Variants in ASMTL observed in about 807,000 individuals in gnomAD.
ASMTL encodes the protein acetylserotonin O-methyltransferase like.
In ASMTL, 57 loss-of-function variants were observed where a neutral mutation model predicts 60.3. The ratio of observed to expected loss-of-function variants is 0.95; its 90% CI spans 0.76 to 1.18. The LOEUF (loss-of-function observed/expected upper bound fraction) is 1.18. Ranked by LOEUF, ASMTL falls within the 50% of genes most tolerant of loss-of-function variation. The pLI is 0.00. For missense variants in ASMTL, 981 were observed against 852.6 expected, an observed-to-expected ratio of 1.15 and a Z score of -1.88; for synonymous variants, 419 against 373.0, an observed-to-expected ratio of 1.12 and a Z score of -1.42.
chrX:1,434,849 T>C (rs1383443401), intron 5 of ASMTL, 173 bp downstream of exon 5: 1 of 169,236 alleles, frequency 5.9e-6, no homozygotes, highest in Non-Finnish European at 1.2e-5. Flanking sequence ...CGTTTTCCTT[T>C]GTCCTGCAGA....
chrX:1,442,203 C>T lies in ASMTL; in HGVS notation c.208G>A (p.Ala70Thr). ...ETAKQKALEVANRLYQKDLRA... is the reference protein window; with the variant it reads ...ETAKQKALEVTNRLYQKDLRA... Reference sequence around the variant, plus strand: ...CCCCTTGCCTGGTACAGCCGGTTGGCCACCTCCAGGGCCTTCTGCTTGGCG... The same window carrying T: ...CCCCTTGCCTGGTACAGCCGGTTGGTCACCTCCAGGGCCTTCTGCTTGGCG... Residue 70 changes from alanine to threonine, a missense_variant, in exon 2 of 13, where the codon GCC becomes ACC. Ala to Thr is a moderately conservative substitution (Grantham distance 58, BLOSUM62 0). Transcript: ENST00000381317. 1 of 1,613,688 alleles carries T rather than the reference C, an allele frequency of 6.2e-7. No homozygotes were observed. Among genetic ancestry groups the T allele is most frequent in the Non-Finnish European group, 8.5e-7 (1 of 1,179,832 alleles).
chrX:1,435,166 C>A (rs1368610155), intron 4 of ASMTL, 83 bp from the exon 5 acceptor site: 1 of 1,414,752 alleles, frequency 7.1e-7, no homozygotes, highest in Non-Finnish European at 1.0e-6. Context: ...CCAGGGGAGG[C>A]AGCGAGGCGT....
At chrX:1,418,552 G>C (rs1248655277) in intron 10 of ASMTL, among the ~76,000 whole-genome samples, 1 of 152,104 alleles carries the variant, frequency 6.6e-6, no homozygotes, top group African/African-American at 2.4e-5. Flanking sequence ...GGACCACAAG[G>C]AGGAGAGGCA....
chrX:1,437,105 C>T (rs1473064971), intron 3 of ASMTL, among the ~76,000 whole-genome samples: 1 of 150,720 alleles, frequency 6.6e-6, no homozygotes, highest in African/African-American at 2.4e-5. Context: ...AGGCTGCTGT[C>T]ACAGAATACC....
intron 12 of ASMTL, among the ~76,000 whole-genome samples, chrX:1,412,119 A>G (rs1314882566): frequency 3.3e-5 from 5 of 150,848 alleles, no homozygotes; most frequent in South Asian, 2.1e-4. Flanking sequence ...ACCTGGCCAC[A>G]CTGGCCAACT....
chrX:1,416,765 GCACA>G (rs377165881), intron 11 of ASMTL, among the ~76,000 whole-genome samples: 5 of 85,568 alleles, frequency 5.8e-5, no homozygotes, highest in African/African-American at 1.6e-4. Flanking sequence ...ACAGACACAT[GCACA>G]CACAGACGTA....
chrX:1,416,440 CAT>C (rs747555424), intron 11 of ASMTL, among the ~76,000 whole-genome samples: 2,655 of 99,772 alleles, frequency 0.027, 143 homozygotes, highest in African/African-American at 0.093. Flanking sequence ...CGCACATAAA[CAT>C]AGACATGCAC....
At chrX:1,432,131 C>A (rs117558934) in intron 6 of ASMTL, 138 bp downstream of exon 6, 3 of 674,050 alleles carry the variant, frequency 4.5e-6, no homozygotes, top group South Asian at 1.8e-5. Flanking sequence ...GCTTCTGAGC[C>A]GGGCGGCTCT....
chrX:1,432,505 A>G lies in ASMTL; in HGVS notation c.401-128T>C, dbSNP rs1485446351. On this transcript the variant is annotated intron_variant, in intron 5 of 12. Coordinates refer to ENST00000381317, the MANE Select transcript of ASMTL (RefSeq NM_004192.4). Reference sequence around the variant, plus strand: ...CGCACAGTTCAGATATGGATGCTTCATGGGAGAATAAGGTTCATTTCGGAC... The same window carrying G: ...CGCACAGTTCAGATATGGATGCTTCGTGGGAGAATAAGGTTCATTTCGGAC... The G allele has an allele frequency of 5.6e-6, 4 of 713,716 alleles. No individual in the cohort carries two copies. The Admixed American group carries it at 8.9e-5, about 16-fold the overall frequency. 44.2% of individuals were successfully genotyped at this position (713,716 alleles called of 1,614,324 possible).
chrX:1,404,403 GGATGGATGGATGGATGCAGGCATGGATGA>G (rs1334866523), intron 12 of ASMTL, among the ~76,000 whole-genome samples: 2 of 150,120 alleles, frequency 1.3e-5, no homozygotes, highest in African/African-American at 4.9e-5. Flanking sequence ...GTAGGTGGAT[GGATGGATGGATGGATGCAGGCATGGATGA>G]GATGGATGGA....
At chrX:1,448,042 T>C (rs1374075849) in intron 1 of ASMTL, among the ~76,000 whole-genome samples, 1 of 149,716 alleles carries the variant, frequency 6.7e-6, no homozygotes, top group African/African-American at 2.5e-5. Flanking sequence ...CACCGCCATC[T>C]TGGATAAGAA....
At chrX:1,418,866 A>T (rs2090391452) in intron 10 of ASMTL, 116 bp downstream of exon 10, 1 of 1,327,372 alleles carries the variant, frequency 7.5e-7, no homozygotes, top group African/African-American at 1.4e-5. Flanking sequence ...GGCCCGGTTC[A>T]GGTCGTTATC....
chrX:1,440,004 T>C (rs1198251732), intron 2 of ASMTL, among the ~76,000 whole-genome samples: 1 of 151,880 alleles, frequency 6.6e-6, no homozygotes, highest in African/African-American at 2.4e-5. Context: ...CTCCCTAAGC[T>C]GTGCACTGCC....
intron 5 of ASMTL, among the ~76,000 whole-genome samples, chrX:1,434,198 CACACCTGCAGTCCCAGCAATATGGTGA>C (rs1313099793): frequency 2.0e-5 from 3 of 152,126 alleles, no homozygotes; most frequent in African/African-American, 4.8e-5. Context: ...CACCGTGGTG[CACACCTGCAGTCCCAGCAATATGGTGA>C]ACACCTGCAG....
chrX:1,431,442 T>A (rs2090785043), intron 6 of ASMTL, among the ~76,000 whole-genome samples: 1 of 136,324 alleles, frequency 7.3e-6, no homozygotes, highest in African/African-American at 2.7e-5. Context: ...TAATCTATTA[T>A]AACAGTATAT....
At position 1,425,607 on chromosome X, in the gene ASMTL, G is replaced by T; in HGVS notation, c.978C>A (p.Ser326Arg). 3 of 1,613,802 alleles carry T rather than the reference G, an allele frequency of 1.9e-6. No individual in the cohort carries two copies. The South Asian group carries it at 3.3e-5, about 18-fold the overall frequency. Residue 326 changes from serine (S) to arginine (R), a missense_variant, in exon 8 of 13, where the codon AGC becomes AGA. Coordinates refer to ENST00000381317, the MANE Select transcript of ASMTL (RefSeq NM_004192.4). ...TTCCACACGCAGAGGCGTCCACTTT[G>T]CTGGCAATATCCGCAGCCTTCTGGG... ...EAPQKAADIA[S>R]KVDASACGME...
chrX:1,450,411 C>T (rs1240287277), intron 1 of ASMTL, among the ~76,000 whole-genome samples: 2 of 151,320 alleles, frequency 1.3e-5, no homozygotes, highest in South Asian at 2.1e-4. Context: ...CTAGGGGTCC[C>T]AGGTCACTCC....
intron 7 of ASMTL, among the ~76,000 whole-genome samples, chrX:1,426,681 T>C (rs1423221562): frequency 2.0e-5 from 3 of 152,170 alleles, no homozygotes; most frequent in South Asian, 2.1e-4. Flanking sequence ...AGCGAAACCC[T>C]GTCTCTACTA....
chrX:1,426,181 A>G (rs1465043117), intron 7 of ASMTL, among the ~76,000 whole-genome samples: 2 of 151,994 alleles, frequency 1.3e-5, no homozygotes, highest in Non-Finnish European at 2.9e-5. Flanking sequence ...CCCAGGAGAG[A>G]GGCCTCAGGA....
Sources: gnomAD v4.1 joint callset for allele counts (sites outside exome capture counted in the v4.1 genomes callset) on GRCh38, gnomAD v4.1.1 for gene constraint, MANE v1.5 for transcripts, NCBI Gene and HGNC (gene_info 2026-07-23, HGNC 2026-07-21) for gene names.